The following GSDMB variants were observed in gnomAD, a reference collection of about 807,000 sequenced individuals.
The protein encoded by GSDMB is gasdermin B.
Under a neutral mutation model 42.9 loss-of-function variants are expected in GSDMB, and 32 were observed. That is an observed-to-expected ratio of 0.75 (90% confidence interval 0.56 to 1.00). GSDMB has a LOEUF of 1.00. GSDMB is among the 50% of genes least tolerant of loss of function. The pLI is 0.00. For synonymous variants in GSDMB, 175 were observed against 193.7 expected (o/e 0.90, Z 0.80); for missense variants, 468 against 498.5 (o/e 0.94, Z 0.58).
chr17:39,914,161 G>A (rs1446973273), intron 2 of GSDMB, among the ~76,000 whole-genome samples: 1 of 152,180 alleles, frequency 6.6e-6, no homozygotes, highest in African/African-American at 2.4e-5. Flanking sequence ...CATCAACAGT[G>A]ATAGGTCATG....
At chr17:39,916,025 C>A (rs1018427248) in intron 2 of GSDMB, among the ~76,000 whole-genome samples, 3 of 152,124 alleles carry the variant, frequency 2.0e-5, no homozygotes, top group African/African-American at 7.2e-5. Flanking sequence ...AACACTTAAC[C>A]CTGGGGCTTC....
At chr17:39,906,654 C>G in intron 7 of GSDMB, 1 of 1,265,500 alleles carries the variant, frequency 7.9e-7, no homozygotes, top group Non-Finnish European at 1.0e-6. Flanking sequence ...ATGAGAATCA[C>G]CTGAGGAGTT....
chr17:39,909,973 T>C (rs1293662257), intron 3 of GSDMB, 49 bp from the exon 4 acceptor site: 2 of 1,394,518 alleles, frequency 1.4e-6, no homozygotes, highest in Non-Finnish European at 2.0e-6. Flanking sequence ...GGGCCTTACC[T>C]CCCACTGACT....
intron 2 of GSDMB, 65 bp from the exon 3 acceptor site, chr17:39,912,562 C>T (rs1598278393): frequency 7.8e-7 from 1 of 1,284,708 alleles, no homozygotes; most frequent in Non-Finnish European, 1.1e-6. Context: ...CCAAAACACC[C>T]TCCCTGGGGC....
chr17:39,904,670 A>G lies in GSDMB; in HGVS notation c.*142T>C. The stretch of plus-strand genomic sequence containing the variant: ...AGGCTGGTTTTGGATGTTAACATGG[A>G]GCGAATGGGATACATCAAAGAATGG... On this transcript the variant is annotated 3_prime_UTR_variant, in exon 11 of 11. Transcript: ENST00000418519. The G allele has an allele frequency of 1.6e-6, 1 of 640,112 alleles. No homozygotes were observed. Among genetic ancestry groups the G allele is most frequent in the Non-Finnish European group, 2.7e-6 (1 of 373,914 alleles). 39.7% of individuals were successfully genotyped at this position (640,112 alleles called of 1,614,324 possible).
chr17:39,905,871 GA>G lies in GSDMB; in HGVS notation c.1002del (p.Leu335TrpfsTer8). 1 of 1,613,998 alleles carries G rather than the reference GA, an allele frequency of 6.2e-7. No individual in the cohort carries two copies. The highest frequency in any genetic ancestry group is 2.2e-5 in the East Asian group (1 of 44,884). On this transcript the variant is annotated frameshift_variant, in exon 9 of 11. Coordinates refer to ENST00000418519, the MANE Select transcript of GSDMB (RefSeq NM_001165958.2). LOFTEE classifies it high-confidence loss of function. ...GVLVEARAKAILDFLDALLEL... is the reference protein window; with the variant it reads ...GVLVEARAKAXLDFLDALLEL... ...CCTAGCAGGGCATCCAGGAAGTCCA[GA>G]ATGGCTTTTGCACGCGCTTCTACCA...
intron 10 of GSDMB, 86 bp downstream of exon 10, chr17:39,905,340 G>A (rs1481570697): frequency 3.4e-6 from 3 of 888,640 alleles, no homozygotes; most frequent in East Asian, 2.6e-5. Context: ...AATAAGAAGG[G>A]GCTGTACCCT....
intron 9 of GSDMB, 61 bp downstream of exon 9, chr17:39,905,786 C>T: frequency 6.4e-7 from 1 of 1,566,724 alleles, no homozygotes; most frequent in Non-Finnish European, 8.7e-7. Flanking sequence ...AGATGTGACT[C>T]CCCACAGGCC....
At chr17:39,905,755 A>G in intron 9 of GSDMB, 92 bp downstream of exon 9, 2 of 1,386,366 alleles carry the variant, frequency 1.4e-6, no homozygotes, top group Non-Finnish European at 1.0e-6. Flanking sequence ...TGTGAAGAGC[A>G]ACATGCAGCC....
chr17:39,906,283 G>A lies in GSDMB; in HGVS notation c.728-12C>T, dbSNP rs748669305. On this transcript the variant is annotated splice_polypyrimidine_tract_variant and intron_variant, in intron 7 of 10. Transcript: ENST00000418519. The stretch of plus-strand genomic sequence containing the variant: ...ACCCAAAGACTTTCCTGTAGAGGCA[G>A]CAATTGAGAACCTGGGCCACCCAGC... The A allele has an allele frequency of 3.7e-6, 6 of 1,613,330 alleles. No individual in the cohort carries two copies. Among genetic ancestry groups the A allele is most frequent in the Admixed American group, 1.7e-5 (1 of 59,894 alleles).
chr17:39,905,215 G>T (rs62067033), intron 10 of GSDMB: 2 of 604,352 alleles, frequency 3.3e-6, no homozygotes, highest in Admixed American at 3.0e-5. Context: ...GCCCTCTCTT[G>T]CCCACAGATA....
intron 5 of GSDMB, 150 bp from the exon 6 acceptor site, chr17:39,908,364 G>GTTTTTGT (rs368175037): frequency 3.7e-5 from 21 of 573,676 alleles, no homozygotes; most frequent in Admixed American, 9.5e-5. Flanking sequence ...TTTTGTTTTT[G>GTTTTTGT]TTTTTGTTTT....
chr17:39,916,523 C>G (rs2144719475), intron 2 of GSDMB, among the ~76,000 whole-genome samples: 1 of 151,910 alleles, frequency 6.6e-6, no homozygotes, highest in Non-Finnish European at 1.5e-5. Flanking sequence ...ATCTCCTGAC[C>G]TCGTGATCCG....
Position 39,917,188 on chromosome 17 carries a change from CTT to C in GSDMB, c.127_128del (p.Lys43GlufsTer29). 2 of 1,614,138 alleles carry C rather than the reference CTT, an allele frequency of 1.2e-6. No homozygotes were observed. The highest frequency in any genetic ancestry group is 1.7e-6 in the Non-Finnish European group (2 of 1,179,974). On this transcript the variant is annotated frameshift_variant, in exon 2 of 11. Transcript: ENST00000418519. LOFTEE classifies it high-confidence loss of function. ...AGTGCCGGCATCCAAAGAAAGTTCTCTTCTCCCCCACCAGATGGAAGCAGCGG... is the reference window on the plus strand; with the variant it reads ...AGTGCCGGCATCCAAAGAAAGTTCTCCTCCCCCACCAGATGGAAGCAGCGG... ...RFRCFHLVGEKRTFFGCRHYT... is the reference protein window; with the variant it reads ...RFRCFHLVGEXRTFFGCRHYT...
At chr17:39,906,069 T>C (rs762142209) in intron 8 of GSDMB, 42 bp downstream of exon 8, 2 of 1,604,860 alleles carry the variant, frequency 1.2e-6, no homozygotes, top group Non-Finnish European at 1.7e-6. Flanking sequence ...CCCCTCTGGC[T>C]CCTATCTCTC....
In GSDMB at chr17:39,904,888, C is replaced by A. The variant is rs1438333404; in HGVS notation, c.1175G>T (p.Arg392Leu). 3.7e-6 allele frequency: 6 copies of A among 1,612,460 alleles called. No homozygotes were observed. The highest frequency in any genetic ancestry group is 2.2e-5 in the East Asian group (1 of 44,900). Reference protein sequence around the residue: ...PPDMDYDPEARILCALYVVVS... With the variant: ...PPDMDYDPEALILCALYVVVS... ...AACAACATACAGCGCACAGAGAATT[C>A]GTGCCTCAGGGTCATAGTCCATGTC... is the stretch of plus-strand genomic sequence containing the variant. The change falls in exon 11 of 11, where the codon CGA (arginine) becomes CTA (leucine). Residue 392 changes from arginine to leucine, a missense_variant. Physicochemically the swap from Arg to Leu is moderately radical, Grantham distance 102. Transcript: ENST00000418519.
Position 39,912,347 on chromosome 17 carries a change from T to C in GSDMB, c.386A>G (p.Tyr129Cys). The C allele has an allele frequency of 1.2e-6, 2 of 1,614,032 alleles. No homozygotes were observed. Among genetic ancestry groups the C allele is most frequent in the Non-Finnish European group, 1.7e-6 (2 of 1,179,934 alleles). Residue 129 changes from tyrosine to cysteine, a missense_variant, in exon 3 of 11, where the codon TAT becomes TGT. Coordinates refer to ENST00000418519, the MANE Select transcript of GSDMB (RefSeq NM_001165958.2). ...KISENRISQQ[Y>C]LATLENRKLK... ...TCACCTGTTTTCAAGGGTAGCCAGA[T>C]ACTGCTGGGATATCCGGTTCTCCGA...
In GSDMB at chr17:39,909,640, G is replaced by A. The variant is rs1449782294; in HGVS notation, c.576+116C>T. 7 of 915,398 alleles carry A rather than the reference G, an allele frequency of 7.6e-6. No homozygotes were observed. The East Asian group carries it at 1.5e-4, about 19-fold the overall frequency. The allele number at this position is 915,398 out of a possible 1,614,324, so 56.7% of individuals were successfully genotyped here. A position where few individuals can be genotyped will look rare whatever the true frequency, so the allele number is the denominator to read the frequency against. On this transcript the variant is annotated intron_variant, in intron 4 of 10. Transcript: ENST00000418519. The stretch of plus-strand genomic sequence containing the variant: ...CCCTTTCTTGGGGCAAGGTGGCCAA[G>A]AGCAGCAGGGCTGCTCGGAGAGGAG...
At chr17:39,907,334 G>A (rs898073685) in intron 6 of GSDMB, 1 of 316,928 alleles carries the variant, frequency 3.2e-6, no homozygotes, top group African/African-American at 2.2e-5. Flanking sequence ...GGGATCAAGG[G>A]GAAAACCTAG....
Sources: gnomAD v4.1 joint callset for allele counts (sites outside exome capture counted in the v4.1 genomes callset) on GRCh38, gnomAD v4.1.1 for gene constraint, MANE v1.5 for transcripts, NCBI Gene and HGNC (gene_info 2026-07-23, HGNC 2026-07-21) for gene names.